Variants in PPP1R9A observed in about 807,000 individuals in gnomAD.
PPP1R9A encodes protein phosphatase 1 regulatory subunit 9A.
PPP1R9A carries 59 observed loss-of-function variants against 141.9 expected under a neutral mutation model. That is an observed-to-expected ratio of 0.42 (90% CI 0.34 to 0.52). The LOEUF (loss-of-function observed/expected upper bound fraction) is 0.52. Ranked by LOEUF, PPP1R9A falls within the 20% of genes least tolerant of loss-of-function variation. The pLI is 0.10. For missense variants in PPP1R9A, 1,444 were observed against 1,611.9 expected (o/e 0.90, Z 1.78); for synonymous variants, 500 against 569.7 (o/e 0.88, Z 1.74).
intron 12 of PPP1R9A, among the ~76,000 whole-genome samples, chr7:95,253,289 G>GT (rs1249079393): frequency 2.0e-5 from 3 of 152,242 alleles, no homozygotes; most frequent in South Asian, 2.1e-4. Flanking sequence ...GGGCTTTTTA[G>GT]TTTTTTCGTG....
chr7:94,979,600 T>C (rs1799849963), intron 2 of PPP1R9A, among the ~76,000 whole-genome samples: 1 of 152,262 alleles, frequency 6.6e-6, no homozygotes, highest in South Asian at 2.1e-4. Flanking sequence ...ACTTGTAATC[T>C]GTTATTATCA....
intron 12 of PPP1R9A, among the ~76,000 whole-genome samples, chr7:95,256,445 A>G (rs1799597691): frequency 6.6e-6 from 1 of 152,164 alleles, no homozygotes; most frequent in Non-Finnish European, 1.5e-5. Context: ...AGTTTTATCA[A>G]ACTAAAAATA....
chr7:95,236,372 C>T (rs1471375988), intron 8 of PPP1R9A, among the ~76,000 whole-genome samples: 2 of 151,848 alleles, frequency 1.3e-5, no homozygotes, highest in East Asian at 1.9e-4. Flanking sequence ...TTATATAAAC[C>T]ATCTGTGCAT....
At chr7:95,166,597 A>G (rs990534885) in intron 5 of PPP1R9A, among the ~76,000 whole-genome samples, 2 of 152,206 alleles carry the variant, frequency 1.3e-5, no homozygotes, top group Admixed American at 1.3e-4. Context: ...AACAAGAACT[A>G]ACACCAGTTC....
At chr7:95,283,306 C>T (rs945206512) in intron 16 of PPP1R9A, among the ~76,000 whole-genome samples, 2 of 152,226 alleles carry the variant, frequency 1.3e-5, no homozygotes, top group African/African-American at 4.8e-5. Context: ...TTTGTAAGCA[C>T]TTTCACATAT....
intron 2 of PPP1R9A, among the ~76,000 whole-genome samples, chr7:95,039,659 G>A (rs1040386979): frequency 1.3e-5 from 2 of 151,774 alleles, no homozygotes; most frequent in Non-Finnish European, 2.9e-5. Flanking sequence ...TAAGGATGAG[G>A]AAAGAATAAA....
At chr7:95,239,661 G>A (rs889051216) in intron 8 of PPP1R9A, among the ~76,000 whole-genome samples, 1 of 151,900 alleles carries the variant, frequency 6.6e-6, no homozygotes, top group Non-Finnish European at 1.5e-5. Context: ...AGATATAGGT[G>A]TTCCCACCTT....
chr7:95,030,385 G>A (rs1807498245), intron 2 of PPP1R9A, among the ~76,000 whole-genome samples: 1 of 152,130 alleles, frequency 6.6e-6, no homozygotes, highest in African/African-American at 2.4e-5. Flanking sequence ...TTGGCATTTG[G>A]TGGTGTTCTA....
chr7:95,042,475 A>G (rs1809393162), intron 2 of PPP1R9A, among the ~76,000 whole-genome samples: 1 of 152,164 alleles, frequency 6.6e-6, no homozygotes, highest in Non-Finnish European at 1.5e-5. Flanking sequence ...CATCTATACC[A>G]TTTTTCATCT....
At chr7:95,280,831 G>A (rs1441706712) in intron 16 of PPP1R9A, among the ~76,000 whole-genome samples, 1 of 152,170 alleles carries the variant, frequency 6.6e-6, no homozygotes, top group Non-Finnish European at 1.5e-5. Context: ...ACGAGGAGGA[G>A]AAGAAGAAAG....
chr7:95,085,154 T>C (rs1160821079), intron 2 of PPP1R9A, among the ~76,000 whole-genome samples: 1 of 152,160 alleles, frequency 6.6e-6, no homozygotes, highest in South Asian at 2.1e-4. Context: ...CCCTATGTCA[T>C]GTGTTTATTA....
chr7:95,082,678 T>A (rs1197324979), intron 2 of PPP1R9A, among the ~76,000 whole-genome samples: 1 of 151,134 alleles, frequency 6.6e-6, no homozygotes, highest in African/African-American at 2.4e-5. Flanking sequence ...ATTTTGAGGC[T>A]ACAGTGAGCT....
chr7:95,163,099 G>A (rs1830676344), intron 5 of PPP1R9A, among the ~76,000 whole-genome samples: 1 of 152,104 alleles, frequency 6.6e-6, no homozygotes, highest in Non-Finnish European at 1.5e-5. Flanking sequence ...TATAGAACTT[G>A]GTTTTGAAGC....
intron 8 of PPP1R9A, among the ~76,000 whole-genome samples, chr7:95,227,837 A>T (rs746464665): frequency 3.9e-5 from 6 of 152,172 alleles, no homozygotes; most frequent in Non-Finnish European, 7.4e-5. Flanking sequence ...CACCTCAATA[A>T]CAGGCAATAT....
chr7:94,977,735 T>C (rs1057230704), intron 2 of PPP1R9A, among the ~76,000 whole-genome samples: 1 of 151,824 alleles, frequency 6.6e-6, no homozygotes, highest in Non-Finnish European at 1.5e-5. Flanking sequence ...GAAGGATGAC[T>C]TGGGTATCTT....
In PPP1R9A at chr7:95,226,021, G is replaced by A. The variant is rs750114707; in HGVS notation, c.2017G>A (p.Asp673Asn). 1.2e-5 allele frequency: 20 copies of A among 1,613,412 alleles called. No homozygotes were observed. Among genetic ancestry groups the A allele is most frequent in the Non-Finnish European group, 9.3e-6 (11 of 1,179,632 alleles). ...DEVGPVLPGS[D>N]MAIEVFELPE... ...GGTAGGACCTGTCCTTCCTGGCAGC[G>A]ACATGGCCATTGAAGTCTTTGAGCT... is the stretch of plus-strand genomic sequence containing the variant. Residue 673 changes from aspartate to asparagine, a missense_variant, in exon 8 of 20, where the codon GAC (aspartate) becomes AAC (asparagine). Around this residue, in one of 5 missense-constraint regions of PPP1R9A, gnomAD observed 488 missense variants for 542.0 expected, o/e 0.90. Transcript: ENST00000433360.
In PPP1R9A at chr7:95,183,622, T is replaced by C. The variant is rs996889322; in HGVS notation, c.1755-14727T>C. 3.3e-5 allele frequency among the ~76,000 whole-genome samples: 5 copies of C among 151,636 alleles called. No homozygotes were observed. The South Asian group carries it at 6.2e-4, about 19-fold the overall frequency. On this transcript the variant is annotated intron_variant, in intron 5 of 19. Coordinates refer to ENST00000433360, the MANE Select transcript of PPP1R9A (RefSeq NM_001166160.2). ...CCCACCACCACACATGGCTTTTTTG[T>C]ATTTTTAGTAGAGACGGGGTTTCAC...
At chr7:95,232,946 T>G (rs1796182020) in intron 8 of PPP1R9A, among the ~76,000 whole-genome samples, 2 of 152,218 alleles carry the variant, frequency 1.3e-5, no homozygotes, top group Admixed American at 1.3e-4. Context: ...TCGACCATTG[T>G]GGAAGACAGT....
intron 2 of PPP1R9A, among the ~76,000 whole-genome samples, chr7:95,020,592 C>T (rs533886826): frequency 9.9e-5 from 15 of 152,210 alleles, no homozygotes; most frequent in South Asian, 4.1e-4. Flanking sequence ...GGTATTTCTC[C>T]TACTGCTATC....
Sources: allele counts gnomAD v4.1 joint callset (sites outside exome capture counted in the v4.1 genomes callset), GRCh38; gene constraint gnomAD v4.1.1; regional missense constraint gnomAD v4.1.1; transcripts MANE v1.5; gene names NCBI Gene and HGNC (gene_info 2026-07-23, HGNC 2026-07-21).